Variants in MRPS9 observed in about 807,000 individuals in gnomAD.
MRPS9 encodes the protein small ribosomal subunit protein uS9m.
A neutral mutation model predicts 59.9 loss-of-function variants in MRPS9; 45 were observed. That is an observed-to-expected ratio of 0.75 (90% CI 0.59 to 0.96). MRPS9 has a LOEUF of 0.96. MRPS9 is among the 40% of genes least tolerant of loss of function. The pLI is 0.00. For missense variants in MRPS9, 473 were observed against 481.1 expected (o/e 0.98, Z 0.16); for synonymous variants, 171 against 166.8 (o/e 1.03, Z -0.19).
At chr2:105,040,713 A>G (rs928270886) in intron 1 of MRPS9, among the ~76,000 whole-genome samples, 1 of 152,288 alleles carries the variant, frequency 6.6e-6, no homozygotes, top group East Asian at 1.9e-4. Flanking sequence ...CAGTCTTATG[A>G]ATGGCCAAAC....
intron 2 of MRPS9, among the ~76,000 whole-genome samples, chr2:105,051,743 A>G (rs1299852243): frequency 1.3e-5 from 2 of 152,170 alleles, no homozygotes; most frequent in Non-Finnish European, 2.9e-5. Context: ...TTCAGAGTCT[A>G]AATTTGGCAC....
chr2:105,054,123 G>C (rs1270325516), intron 2 of MRPS9, among the ~76,000 whole-genome samples: 1 of 152,184 alleles, frequency 6.6e-6, no homozygotes, highest in Non-Finnish European at 1.5e-5. Context: ...CGTTGAGCAA[G>C]TCAGGGCTCT....
chr2:105,067,876 A>G (rs1339588219), intron 2 of MRPS9, among the ~76,000 whole-genome samples: 2 of 152,172 alleles, frequency 1.3e-5, no homozygotes, highest in African/African-American at 2.4e-5. Context: ...CAACCAGGCT[A>G]TAGTGTAGTG....
At chr2:105,042,386 A>C (rs956495700) in intron 1 of MRPS9, among the ~76,000 whole-genome samples, 13 of 152,278 alleles carry the variant, frequency 8.5e-5, no homozygotes, top group African/African-American at 2.9e-4. Context: ...CTCTAGGGCA[A>C]CTCAGCACAT....
chr2:105,042,000 C>G (rs1454691973), intron 1 of MRPS9, among the ~76,000 whole-genome samples: 1 of 152,210 alleles, frequency 6.6e-6, no homozygotes, highest in East Asian at 1.9e-4. Flanking sequence ...AACAAGATAA[C>G]TAAACTTTCT....
intron 2 of MRPS9, among the ~76,000 whole-genome samples, chr2:105,069,041 C>T (rs2104453133): frequency 6.6e-6 from 1 of 152,258 alleles, no homozygotes; most frequent in South Asian, 2.1e-4. Flanking sequence ...ACTTGGCATT[C>T]CCACCAGCAA....
chr2:105,082,786 A>C (rs1029852036), intron 5 of MRPS9, among the ~76,000 whole-genome samples: 3 of 152,226 alleles, frequency 2.0e-5, no homozygotes, highest in Non-Finnish European at 4.4e-5. Context: ...CTTGCAAGGC[A>C]CTTGGGGCTC....
intron 2 of MRPS9, among the ~76,000 whole-genome samples, chr2:105,068,634 ATTGG>A (rs1377295798): frequency 6.6e-6 from 1 of 152,146 alleles, no homozygotes; most frequent in African/African-American, 2.4e-5. Flanking sequence ...AATCATTTTT[ATTGG>A]TTTCTACTTA....
At chr2:105,058,330 A>T (rs1679831267) in intron 2 of MRPS9, among the ~76,000 whole-genome samples, 1 of 152,198 alleles carries the variant, frequency 6.6e-6, no homozygotes, top group South Asian at 2.1e-4. Context: ...TCATTGATCA[A>T]GTTAACAGCT....
At chr2:105,090,291 T>A (rs1680534228) in intron 7 of MRPS9, among the ~76,000 whole-genome samples, 1 of 152,154 alleles carries the variant, frequency 6.6e-6, no homozygotes, top group Non-Finnish European at 1.5e-5. Context: ...GCACGGCAGA[T>A]GTTGTTTCAT....
intron 5 of MRPS9, among the ~76,000 whole-genome samples, chr2:105,083,587 T>C (rs1348870093): frequency 6.6e-6 from 1 of 152,244 alleles, no homozygotes; most frequent in African/African-American, 2.4e-5. Context: ...TATTTGACGC[T>C]GAAGTGGTAA....
rs774795498 is a variant in MRPS9 at position 105,099,782 on chromosome 2, A to G, written c.*21A>G. On this transcript the variant is annotated 3_prime_UTR_variant, in exon 11 of 11. Transcript: ENST00000258455. ...GCTAAGGGTTTGCTCCCAGGAAAGG[A>G]GAGGAAGAGCTATATATATGTGCCG... The G allele has an allele frequency of 1.2e-6, 2 of 1,611,966 alleles. No individual in the cohort carries two copies. Among genetic ancestry groups the G allele is most frequent in the Non-Finnish European group, 8.5e-7 (1 of 1,178,210 alleles).
At chr2:105,069,317 C>T (rs918469478) in intron 2 of MRPS9, among the ~76,000 whole-genome samples, 5 of 150,614 alleles carry the variant, frequency 3.3e-5, no homozygotes, top group East Asian at 2.0e-4. Flanking sequence ...CAGGTTCAAA[C>T]GATTCTCCTG....
intron 4 of MRPS9, among the ~76,000 whole-genome samples, chr2:105,073,546 G>C (rs1371799471): frequency 1.3e-5 from 2 of 152,080 alleles, no homozygotes; most frequent in African/African-American, 2.4e-5. Context: ...TTTAGATTTG[G>C]ATAGATTTTG....
chr2:105,088,468 T>C (rs896855362), intron 5 of MRPS9, among the ~76,000 whole-genome samples: 7 of 152,098 alleles, frequency 4.6e-5, no homozygotes, highest in African/African-American at 1.7e-4. Context: ...ATAAAAAATA[T>C]AATAGCTCTT....
In MRPS9 at chr2:105,095,724, C is replaced by T. The variant is rs534971694; in HGVS notation, c.930-1431C>T. On this transcript the variant is annotated intron_variant, in intron 9 of 10. Transcript: ENST00000258455. ...GTTGGTCAGACTGGTCTCAAACTCC[C>T]GACCTCAGGTGATCTGCCCGCCTCG... Among the ~76,000 whole-genome samples, 60 of 151,756 alleles carry T rather than the reference C, an allele frequency of 4.0e-4. 2 individuals carry two copies. Among genetic ancestry groups the T allele is most frequent in the African/African-American group, 1.4e-3 (59 of 41,404 alleles).
intron 5 of MRPS9, among the ~76,000 whole-genome samples, chr2:105,083,957 C>G (rs992793721): frequency 3.3e-5 from 5 of 152,118 alleles, no homozygotes; most frequent in African/African-American, 1.2e-4. Context: ...GTAGGCATTA[C>G]TCGCCTTAGA....
At chr2:105,053,198 T>G (rs996847589) in intron 2 of MRPS9, among the ~76,000 whole-genome samples, 1 of 152,364 alleles carries the variant, frequency 6.6e-6, no homozygotes, top group African/African-American at 2.4e-5. Flanking sequence ...TGAATTTTGT[T>G]GTTTGGAGTA....
At chr2:105,065,383 C>T (rs1679981738) in intron 2 of MRPS9, among the ~76,000 whole-genome samples, 1 of 152,164 alleles carries the variant, frequency 6.6e-6, no homozygotes, top group Non-Finnish European at 1.5e-5. Context: ...ACTGCTGCTT[C>T]TTGGTCTGTA....
Sources: allele counts gnomAD v4.1 joint callset (sites outside exome capture counted in the v4.1 genomes callset), GRCh38; gene constraint gnomAD v4.1.1; transcripts MANE v1.5; gene names NCBI Gene and HGNC (gene_info 2026-07-23, HGNC 2026-07-21).